Variants in PTPN14 observed in about 807,000 individuals in gnomAD.
PTPN14 encodes protein tyrosine phosphatase non-receptor type 14.
PTPN14 carries 53 observed loss-of-function variants against 126.8 expected under a neutral mutation model. The observed-to-expected ratio is 0.42, with a 90% confidence interval of 0.34 to 0.53. The LOEUF (loss-of-function observed/expected upper bound fraction) is 0.53. PTPN14 is among the 20% of genes least tolerant of loss of function. The probability of loss-of-function intolerance (pLI) is 0.08; values close to 1 mark genes in which losing one functional copy is unlikely to be tolerated. For missense variants in PTPN14, 1,257 were observed against 1,552.9 expected (o/e 0.81, Z 3.20); for synonymous variants, 630 against 599.3 (o/e 1.05, Z -0.75).
At chr1:214,515,621 T>C (rs181595852) in intron 1 of PTPN14, among the ~76,000 whole-genome samples, 1 of 152,342 alleles carries the variant, frequency 6.6e-6, no homozygotes, top group East Asian at 1.9e-4. Context: ...TATTTAAATC[T>C]GATATTTCTG....
intron 3 of PTPN14, among the ~76,000 whole-genome samples, chr1:214,433,915 AT>A (rs1659848060): frequency 9.1e-6 from 1 of 110,120 alleles, no homozygotes; most frequent in Non-Finnish European, 2.0e-5. Flanking sequence ...ATAGTGAGAC[AT>A]TATTTCCACA....
At chr1:214,434,858 T>C (rs1481857763) in intron 3 of PTPN14, among the ~76,000 whole-genome samples, 12 of 152,182 alleles carry the variant, frequency 7.9e-5, no homozygotes, top group Non-Finnish European at 1.5e-5. Flanking sequence ...CAAAAGCACA[T>C]GCCTGGACTT....
chr1:214,364,734 G>T lies in PTPN14; in HGVS notation c.3272-59C>A. On this transcript the variant is annotated intron_variant, in intron 17 of 18. Transcript: ENST00000366956. This position sits in a 1 kb window ranked among gnomAD's most constrained non-coding sequence, Gnocchi z 4.1. ...TCCTCCATGGCTTCGCATGTAAGTT[G>T]GGGAGGGGGGAGCGGAAGAGAACTG... 1 of 1,556,756 alleles carries T rather than the reference G, an allele frequency of 6.4e-7. No homozygotes were observed. The highest frequency in any genetic ancestry group is 8.7e-7 in the Non-Finnish European group (1 of 1,145,290).
At chr1:214,549,553 T>C (rs1470211434) in intron 1 of PTPN14, among the ~76,000 whole-genome samples, 1 of 152,218 alleles carries the variant, frequency 6.6e-6, no homozygotes, top group Non-Finnish European at 1.5e-5. Flanking sequence ...GTCATTTCTA[T>C]GGCACAAGCT....
chr1:214,479,653 C>CA (rs957042344), intron 1 of PTPN14, among the ~76,000 whole-genome samples: 25 of 150,990 alleles, frequency 1.7e-4, no homozygotes, highest in East Asian at 1.6e-3. Context: ...CTTTATTATC[C>CA]AAAAAAAACA....
intron 3 of PTPN14, among the ~76,000 whole-genome samples, chr1:214,438,651 A>G (rs898890778): frequency 3.3e-5 from 5 of 152,166 alleles, no homozygotes; most frequent in Admixed American, 6.5e-5. Flanking sequence ...AATCATTAAT[A>G]ATGTACGAAG....
chr1:214,446,774 A>G (rs1157128789), intron 3 of PTPN14, among the ~76,000 whole-genome samples: 2 of 152,046 alleles, frequency 1.3e-5, no homozygotes, highest in African/African-American at 2.4e-5. Context: ...ATTAATCTAG[A>G]CTCTTTGTCC....
chr1:214,427,493 A>G (rs1340900709), intron 3 of PTPN14, among the ~76,000 whole-genome samples: 1 of 152,174 alleles, frequency 6.6e-6, no homozygotes, highest in Non-Finnish European at 1.5e-5. Context: ...TATCAGAAGT[A>G]TATACATACA....
At chr1:214,372,647 A>T in intron 16 of PTPN14, 64 bp downstream of exon 16, 1 of 1,610,498 alleles carries the variant, frequency 6.2e-7, no homozygotes, top group Non-Finnish European at 8.5e-7. Context: ...GACAGCACAA[A>T]GCCCATCTTC....
chr1:214,367,758 C>A (rs1255382625), intron 17 of PTPN14, among the ~76,000 whole-genome samples: 1 of 152,164 alleles, frequency 6.6e-6, no homozygotes, highest in African/African-American at 2.4e-5. Context: ...GCTGCAGCCA[C>A]CGCTGAAAAG....
intron 1 of PTPN14, among the ~76,000 whole-genome samples, chr1:214,473,947 T>C (rs1660814693): frequency 1.3e-5 from 2 of 152,214 alleles, no homozygotes; most frequent in Admixed American, 1.3e-4. Context: ...CACAAGCCCC[T>C]GACTTTAGTT....
rs113669380 is a variant in PTPN14 at position 214,427,055 on chromosome 1, C to A, written c.345-12329G>T. Among the ~76,000 whole-genome samples the A allele has an allele frequency of 3.9e-5, 6 of 152,030 alleles. 1 individual carries two copies. The highest frequency in any genetic ancestry group is 7.2e-5 in the African/African-American group (3 of 41,486). ...CAGCACTTTGTGGGGCCGAGGCGGG[C>A]GGATCACAAGGTCAGGAGATCGAGA... On this transcript the variant is annotated intron_variant, in intron 3 of 18. Transcript: ENST00000366956.
intron 1 of PTPN14, among the ~76,000 whole-genome samples, chr1:214,476,594 A>G (rs1660872650): frequency 6.6e-6 from 1 of 152,130 alleles, no homozygotes; most frequent in South Asian, 2.1e-4. Context: ...CCACTCTGCC[A>G]GCTCTCTCCA....
intron 3 of PTPN14, among the ~76,000 whole-genome samples, chr1:214,446,775 C>T (rs1355072807): frequency 1.3e-5 from 2 of 151,944 alleles, no homozygotes; most frequent in Non-Finnish European, 2.9e-5. Context: ...TTAATCTAGA[C>T]TCTTTGTCCT....
intron 1 of PTPN14, among the ~76,000 whole-genome samples, chr1:214,465,392 T>C (rs573117567): frequency 6.0e-4 from 91 of 152,246 alleles, no homozygotes; most frequent in African/African-American, 2.0e-3. Flanking sequence ...GAAGGATTAC[T>C]TAAGCCCAGG....
chr1:214,366,357 A>T (rs909617332), intron 17 of PTPN14, among the ~76,000 whole-genome samples: 1 of 152,228 alleles, frequency 6.6e-6, no homozygotes, highest in Non-Finnish European at 1.5e-5. Flanking sequence ...TTTACATACA[A>T]GAGACAAAGC....
Position 214,378,110 on chromosome 1 carries a change from C to T in PTPN14, c.2545-8G>A, listed in dbSNP as rs1436130668. 1.9e-6 allele frequency: 3 copies of T among 1,605,540 alleles called. No individual in the cohort carries two copies. The highest frequency in any genetic ancestry group is 2.5e-6 in the Non-Finnish European group (3 of 1,177,780). On this transcript the variant is annotated splice_region_variant and splice_polypyrimidine_tract_variant and intron_variant, in intron 13 of 18. Transcript: ENST00000366956. ...CTTCTGCTTCTCTAGATTCTTGCGGCAAGAAAAGGCATGTGCTCATTGTTT... is the reference window on the plus strand; with the variant it reads ...CTTCTGCTTCTCTAGATTCTTGCGGTAAGAAAAGGCATGTGCTCATTGTTT...
At chr1:214,404,758 C>T (rs570272947) in intron 5 of PTPN14, among the ~76,000 whole-genome samples, 14 of 152,278 alleles carry the variant, frequency 9.2e-5, no homozygotes, top group East Asian at 3.9e-4. Context: ...ACCTGTGGAG[C>T]GCCTTGTGTA....
chr1:214,455,145 G>C (rs1386921919), intron 2 of PTPN14, among the ~76,000 whole-genome samples: 2 of 152,168 alleles, frequency 1.3e-5, no homozygotes, highest in Non-Finnish European at 2.9e-5. Flanking sequence ...TCAGAGCCTA[G>C]GCTCTCATTT....
Sources: allele counts gnomAD v4.1 joint callset (sites outside exome capture counted in the v4.1 genomes callset), GRCh38; gene constraint gnomAD v4.1.1; non-coding constraint Gnocchi (gnomAD v3.1); transcripts MANE v1.5; gene names NCBI Gene and HGNC (gene_info 2026-07-23, HGNC 2026-07-21).